The following DOCK11 variants were observed in gnomAD, a reference collection of about 807,000 sequenced individuals.
The protein encoded by DOCK11 is dedicator of cytokinesis 11.
Under a neutral mutation model 169.1 loss-of-function variants are expected in DOCK11, and 70 were observed. The ratio of observed to expected loss-of-function variants is 0.41; its 90% CI spans 0.34 to 0.51. The LOEUF is 0.51. DOCK11 is among the 20% of genes least tolerant of loss of function. DOCK11 has a pLI of 0.10. For synonymous variants in DOCK11, 529 were observed against 541.3 expected, an observed-to-expected ratio of 0.98 and a Z score of 0.32; for missense variants, 1,166 against 1,538.8, an observed-to-expected ratio of 0.76 and a Z score of 4.05.
intron 30 of DOCK11, among the ~76,000 whole-genome samples, chrX:118,617,540 A>C: frequency 9.1e-6 from 1 of 109,502 alleles, no homozygotes. Flanking sequence ...ATAAGTACTT[A>C]TAAAGCAAGT....
rs1270802689 is a variant in DOCK11 at position 118,608,101 on chromosome X, A to G, written c.2711A>G (p.His904Arg). 5 of 1,206,660 alleles carry G rather than the reference A, an allele frequency of 4.1e-6. No individual in the cohort carries two copies. Among genetic ancestry groups the G allele is most frequent in the Non-Finnish European group, 5.6e-6 (5 of 893,373 alleles). ...MVLLHIVSKC[H>R]EEGLDSYLRS... is the part of the protein sequence containing the mutation. Reference sequence around the variant, plus strand: ...CTCTTACATATTGTATCAAAGTGCCATGAAGAAGGCTTGGATAGTTATCTA... The same window carrying G: ...CTCTTACATATTGTATCAAAGTGCCGTGAAGAAGGCTTGGATAGTTATCTA... Residue 904 changes from histidine to arginine, a missense_variant, in exon 25 of 53, where the codon CAT becomes CGT. Physicochemically the swap from His to Arg is conservative, Grantham distance 29. Transcript: ENST00000276202.
intron 42 of DOCK11, among the ~76,000 whole-genome samples, chrX:118,653,993 CAG>C (rs1439353700): frequency 8.9e-6 from 1 of 112,183 alleles, no homozygotes; most frequent in African/African-American, 3.2e-5. Flanking sequence ...TTTGTGTAAA[CAG>C]AAATTTCTGC....
intron 6 of DOCK11, among the ~76,000 whole-genome samples, chrX:118,552,366 A>C (rs756279220): frequency 8.9e-6 from 1 of 111,894 alleles, no homozygotes; most frequent in South Asian, 3.7e-4. Flanking sequence ...CAGTGCATTC[A>C]AGTCGATGGG....
At chrX:118,662,359 C>A (rs1049455472) in intron 44 of DOCK11, among the ~76,000 whole-genome samples, 9 of 112,035 alleles carry the variant, frequency 8.0e-5, no homozygotes, top group African/African-American at 2.9e-4. Context: ...GATGATAGAA[C>A]ACAAATGTAT....
At chrX:118,565,156 G>T (rs2013041888) in intron 7 of DOCK11, among the ~76,000 whole-genome samples, 1 of 110,062 alleles carries the variant, frequency 9.1e-6, no homozygotes, top group South Asian at 3.9e-4. Context: ...GCTCAGGCTG[G>T]TCTCAAACTC....
At chrX:118,561,325 C>T (rs2012901288) in intron 6 of DOCK11, 58 bp from the exon 7 acceptor site, 5 of 1,040,929 alleles carry the variant, frequency 4.8e-6, no homozygotes, top group Non-Finnish European at 6.3e-6. Context: ...TTCAGAGAAA[C>T]TATTCAAATG....
chrX:118,553,877 C>T (rs945581363), intron 6 of DOCK11, among the ~76,000 whole-genome samples: 1 of 112,203 alleles, frequency 8.9e-6, no homozygotes, highest in African/African-American at 3.2e-5. Context: ...AAGATTTTTT[C>T]ATTAATTTGT....
chrX:118,648,162 TAA>T (rs2015831352), intron 40 of DOCK11, among the ~76,000 whole-genome samples: 1 of 78,776 alleles, frequency 1.3e-5, no homozygotes, highest in African/African-American at 5.0e-5. Context: ...TATAATAATA[TAA>T]TATATAATAT....
intron 45 of DOCK11, among the ~76,000 whole-genome samples, chrX:118,670,533 T>G (rs1451853438): frequency 1.7e-4 from 19 of 108,605 alleles, no homozygotes. Flanking sequence ...AAATAAAAAC[T>G]AAAAAAATTT....
intron 6 of DOCK11, 94 bp downstream of exon 6, chrX:118,546,210 C>CAAAAAAAAAAAAAAAAAAAAAAAAAAA (rs1556269491): frequency 2.2e-5 from 1 of 45,863 alleles, no homozygotes; most frequent in African/African-American, 8.9e-5. Flanking sequence ...AGAGCCCTAG[C>CAAAAAAAAAAAAAAAAAAAAAAAAAAA]AAAAAAAAAA....
chrX:118,650,707 A>G (rs1046935472), intron 41 of DOCK11, among the ~76,000 whole-genome samples: 13 of 111,986 alleles, frequency 1.2e-4, no homozygotes, highest in South Asian at 7.4e-4. Context: ...TTGTGTGCCA[A>G]TATACCTGAA....
chrX:118,558,021 C>A (rs1475355410), intron 6 of DOCK11, among the ~76,000 whole-genome samples: 5 of 100,367 alleles, frequency 5.0e-5, no homozygotes, highest in African/African-American at 1.9e-4. Context: ...CTCGCCCAGG[C>A]TGGAGTGCAG....
intron 28 of DOCK11, among the ~76,000 whole-genome samples, chrX:118,613,712 G>A (rs755753098): frequency 2.7e-4 from 30 of 112,329 alleles, no homozygotes; most frequent in African/African-American, 8.4e-4. Context: ...GCTGGTGCCC[G>A]CCTTAGTCTC....
intron 33 of DOCK11, 59 bp from the exon 34 acceptor site, chrX:118,628,104 A>T: frequency 1.4e-6 from 1 of 720,655 alleles, no homozygotes; most frequent in Non-Finnish European, 2.1e-6. Context: ...CGTACTTTTT[A>T]AATATTTCTG....
At position 118,558,738 on chromosome X, in the gene DOCK11, C is replaced by A. The variant is rs141594404; in HGVS notation, c.559-2645C>A. 1.2e-3 allele frequency among the ~76,000 whole-genome samples: 135 copies of A among 112,280 alleles called. 1 individual carries two copies. The highest frequency in any genetic ancestry group is 4.2e-3 in the African/African-American group (129 of 30,900). ...CATAGAGATGACTTTTAAAAATATT[C>A]CTTACTGTCCAAACTGTGTGTTTCT... On this transcript the variant is annotated intron_variant, in intron 6 of 52. Coordinates refer to ENST00000276202, the MANE Select transcript of DOCK11 (RefSeq NM_144658.4).
At chrX:118,614,556 A>C in intron 28 of DOCK11, 136 bp from the exon 29 acceptor site, 1 of 489,097 alleles carries the variant, frequency 2.0e-6, no homozygotes. Flanking sequence ...CCTGAAGCTC[A>C]GAAAGTTATC....
intron 29 of DOCK11, among the ~76,000 whole-genome samples, chrX:118,615,250 T>C (rs906879766): frequency 1.8e-5 from 2 of 112,199 alleles, no homozygotes; most frequent in African/African-American, 6.5e-5. Context: ...GCTGATTATG[T>C]GTTGGAGGCT....
At chrX:118,608,707 T>C (rs932204184) in intron 26 of DOCK11, among the ~76,000 whole-genome samples, 4 of 112,102 alleles carry the variant, frequency 3.6e-5, no homozygotes, top group Non-Finnish European at 7.5e-5. Flanking sequence ...TAACACATCG[T>C]TCCTGGCACA....
At chrX:118,500,205 C>T (rs922046608) in intron 1 of DOCK11, among the ~76,000 whole-genome samples, 5 of 109,424 alleles carry the variant, frequency 4.6e-5, no homozygotes, top group African/African-American at 1.0e-4. Flanking sequence ...CCCGCCGCCA[C>T]GCCCGGCTAA....
Sources: allele counts gnomAD v4.1 joint callset (sites outside exome capture counted in the v4.1 genomes callset), GRCh38; gene constraint gnomAD v4.1.1; transcripts MANE v1.5; gene names NCBI Gene and HGNC (gene_info 2026-07-23, HGNC 2026-07-21).